Variants in TENM1 observed in about 807,000 individuals in gnomAD.
TENM1 encodes teneurin-1.
In TENM1, 35 loss-of-function variants were observed where a neutral mutation model predicts 174.8. The ratio of observed to expected loss-of-function variants is 0.20; its 90% CI spans 0.15 to 0.27. TENM1 has a LOEUF of 0.27. TENM1 is among the 10% of genes least tolerant of loss of function. The pLI, the probability that TENM1 is intolerant of heterozygous loss-of-function variation, is 1.00. For missense variants in TENM1, 1,633 were observed against 2,130.1 expected (o/e 0.77, Z 4.59); for synonymous variants, 781 against 798.7 (o/e 0.98, Z 0.37).
At chrX:124,790,066 G>T (rs189952939) in intron 3 of TENM1, among the ~76,000 whole-genome samples, 2 of 111,706 alleles carry the variant, frequency 1.8e-5, no homozygotes, top group East Asian at 5.7e-4. Context: ...ATCTTACATG[G>T]ATGGCAGTAG....
chrX:124,548,314 G>A lies in TENM1; in HGVS notation c.2435-1224C>T, dbSNP rs541428597. Among the ~76,000 whole-genome samples the A allele has an allele frequency of 1.3e-4, 14 of 111,528 alleles. No individual in the cohort carries two copies. In the South Asian group the frequency reaches 5.0e-3, roughly 40 times the overall value. On this transcript the variant is annotated intron_variant, in intron 14 of 31. Coordinates refer to ENST00000422452, the Ensembl canonical transcript of TENM1. ...ATAGGGAACAGGGATTGTGAGGCAGGGAGACCACTGAGAATCTAACAGGTG... is the reference window on the plus strand; with the variant it reads ...ATAGGGAACAGGGATTGTGAGGCAGAGAGACCACTGAGAATCTAACAGGTG...
intron 5 of TENM1, among the ~76,000 whole-genome samples, chrX:124,675,704 A>C (rs1320489877): frequency 9.1e-6 from 1 of 109,414 alleles, no homozygotes; most frequent in African/African-American, 3.3e-5. Flanking sequence ...CAGGCAAATA[A>C]AAAATACACG....
At chrX:124,827,382 T>G (rs1002595274) in intron 3 of TENM1, among the ~76,000 whole-genome samples, 2 of 112,166 alleles carry the variant, frequency 1.8e-5, no homozygotes, top group Non-Finnish European at 1.9e-5. Context: ...CCTACCTGGA[T>G]TACTTTCACT....
intron 15 of TENM1, among the ~76,000 whole-genome samples, chrX:124,539,771 T>C (rs956291001): frequency 5.4e-5 from 6 of 111,704 alleles, no homozygotes; most frequent in Non-Finnish European, 9.4e-5. Flanking sequence ...ATGAAACTGT[T>C]TGCATATAGT....
At chrX:125,063,921 C>T in the TENM1 span, among the ~76,000 whole-genome samples, 33 of 111,643 alleles carry the variant, frequency 3.0e-4, no homozygotes, top group African/African-American at 1.0e-3. Flanking sequence ...AAATGTCCAA[C>T]AATGATAGAC....
chrX:125,012,354 A>C, the TENM1 span, among the ~76,000 whole-genome samples: 1 of 112,268 alleles, frequency 8.9e-6, no homozygotes, highest in East Asian at 2.8e-4. Flanking sequence ...AGTAAAGTAA[A>C]ATAAGAAAAC....
intron 3 of TENM1, among the ~76,000 whole-genome samples, chrX:124,748,304 A>G (rs2053979347): frequency 9.0e-6 from 1 of 110,644 alleles, no homozygotes; most frequent in Admixed American, 9.7e-5. Flanking sequence ...AGGGCTTTCT[A>G]GTGATAAACA....
intron 18 of TENM1, among the ~76,000 whole-genome samples, chrX:124,518,826 C>T (rs770491173): frequency 8.9e-6 from 1 of 111,854 alleles, no homozygotes; most frequent in Non-Finnish European, 1.9e-5. Context: ...CTCATAACCA[C>T]TACACTCAAT....
chrX:124,418,174 G>C (rs1038024194), intron 25 of TENM1, among the ~76,000 whole-genome samples: 1 of 112,230 alleles, frequency 8.9e-6, no homozygotes, highest in Non-Finnish European at 1.9e-5. Flanking sequence ...CTTTACAGTG[G>C]CCTACAAGGC....
chrX:125,098,137 G>A, the TENM1 span, among the ~76,000 whole-genome samples: 2 of 111,139 alleles, frequency 1.8e-5, no homozygotes, highest in East Asian at 2.8e-4. Context: ...GGTGGTGGGC[G>A]CCTGTACTCC....
At chrX:125,043,233 C>G in the TENM1 span, among the ~76,000 whole-genome samples, 2 of 84,327 alleles carry the variant, frequency 2.4e-5, no homozygotes, top group African/African-American at 8.8e-5. Context: ...AGGCAACCTA[C>G]AACATGGGAG....
intron 3 of TENM1, among the ~76,000 whole-genome samples, chrX:124,783,709 T>C (rs1367714489): frequency 9.0e-6 from 1 of 111,521 alleles, no homozygotes; most frequent in Non-Finnish European, 1.9e-5. Flanking sequence ...AATTTCCAGT[T>C]TTTATTTATT....
At chrX:124,987,912 T>G in the TENM1 span, among the ~76,000 whole-genome samples, 1 of 111,584 alleles carries the variant, frequency 9.0e-6, no homozygotes, top group Non-Finnish European at 1.9e-5. Flanking sequence ...ACCTGGTTCT[T>G]ACTTGTTCTT....
chrX:124,440,129 C>T (rs976619341), intron 23 of TENM1, among the ~76,000 whole-genome samples: 5 of 111,982 alleles, frequency 4.5e-5, no homozygotes, highest in African/African-American at 1.3e-4. Context: ...TCTCCTTTGC[C>T]GTTCCAGAAG....
chrX:124,460,779 G>T (rs1490306783), intron 22 of TENM1, among the ~76,000 whole-genome samples: 2 of 109,157 alleles, frequency 1.8e-5, no homozygotes, highest in Non-Finnish European at 1.9e-5. Context: ...ACACAAGTTT[G>T]TCTGAGTTTA....
At position 124,679,577 on chromosome X, in the gene TENM1, C is replaced by T. The variant is rs149608851; in HGVS notation, c.1016-7742G>A. Among the ~76,000 whole-genome samples, 439 of 111,898 alleles carry T rather than the reference C, an allele frequency of 3.9e-3. 3 individuals carry two copies. The highest frequency in any genetic ancestry group is 6.5e-3 in the Admixed American group (68 of 10,509). On this transcript the variant is annotated intron_variant, in intron 5 of 31. Coordinates refer to ENST00000422452, the Ensembl canonical transcript of TENM1. Reference sequence around the variant, plus strand: ...GCAGTGACTGCCAACATTACAGAAACCAGGTTATCTTCCCATCTTAAAATA... The same window carrying T: ...GCAGTGACTGCCAACATTACAGAAATCAGGTTATCTTCCCATCTTAAAATA...
At chrX:124,380,256 A>T (rs912026757) in exon 32 of TENM1, 5 of 259,564 alleles carry the variant, frequency 1.9e-5, no homozygotes, top group African/African-American at 1.1e-4. Context: ...GGCTCGGCAA[A>T]TTGAAAGTGG....
chrX:125,163,498 T>C, the TENM1 span, among the ~76,000 whole-genome samples: 1 of 111,182 alleles, frequency 9.0e-6, no homozygotes, highest in Non-Finnish European at 1.9e-5. Context: ...TCAGGTAAAG[T>C]AAGTTTGACA....
chrX:124,497,927 C>A (rs187723375), intron 19 of TENM1, among the ~76,000 whole-genome samples: 1 of 111,812 alleles, frequency 8.9e-6, no homozygotes, highest in East Asian at 2.8e-4. Context: ...TCCATACCCA[C>A]GGCTTTAACT....
Sources: allele counts gnomAD v4.1 joint callset (sites outside exome capture counted in the v4.1 genomes callset), GRCh38; gene constraint gnomAD v4.1.1; transcripts MANE v1.5; gene names NCBI Gene and HGNC (gene_info 2026-07-23, HGNC 2026-07-21).